The following VAV3 variants were observed in gnomAD, a reference collection of about 807,000 sequenced individuals.
VAV3 encodes guanine nucleotide exchange factor VAV3.
A neutral mutation model predicts 131.2 loss-of-function variants in VAV3; 94 were observed. That is an observed-to-expected ratio of 0.72 (90% confidence interval 0.61 to 0.85). The LOEUF (loss-of-function observed/expected upper bound fraction) is 0.85, where lower values mean the gene tolerates loss of function less well. Among genes scored for constraint, VAV3 ranks in the 40% least tolerant of loss-of-function variants. VAV3 has a pLI of 0.00. For synonymous variants in VAV3, 349 were observed against 342.0 expected (o/e 1.02, Z -0.22); for missense variants, 939 against 1,002.7 (o/e 0.94, Z 0.86).
intron 25 of VAV3, among the ~76,000 whole-genome samples, chr1:107,582,747 A>C (rs1023919940): frequency 5.9e-5 from 9 of 151,984 alleles, no homozygotes; most frequent in African/African-American, 9.7e-5. Flanking sequence ...TGAACTCATC[A>C]TTTTTTATGG....
intron 1 of VAV3, among the ~76,000 whole-genome samples, chr1:107,930,763 C>T (rs945484676): frequency 2.0e-5 from 3 of 152,086 alleles, no homozygotes; most frequent in African/African-American, 7.2e-5. Flanking sequence ...CTAAACCCAC[C>T]GATCAATCTT....
At chr1:107,585,335 G>T (rs926329268) in intron 25 of VAV3, among the ~76,000 whole-genome samples, 1 of 152,018 alleles carries the variant, frequency 6.6e-6, no homozygotes, top group African/African-American at 2.4e-5. Context: ...GTCTTCCTGT[G>T]CCTACTCTGT....
At chr1:107,836,993 A>G (rs137861624) in intron 2 of VAV3, among the ~76,000 whole-genome samples, 5 of 152,072 alleles carry the variant, frequency 3.3e-5, no homozygotes, top group African/African-American at 9.7e-5. Flanking sequence ...AACTGGTACC[A>G]GTCCTGCTGA....
chr1:107,828,276 A>G (rs1668099087), intron 2 of VAV3, among the ~76,000 whole-genome samples: 2 of 152,306 alleles, frequency 1.3e-5, no homozygotes, highest in South Asian at 2.1e-4. Context: ...TACAAGATTC[A>G]GTGATATAAA....
chr1:107,676,043 C>T (rs1218463091), intron 19 of VAV3, among the ~76,000 whole-genome samples: 1 of 152,134 alleles, frequency 6.6e-6, no homozygotes, highest in African/African-American at 2.4e-5. Context: ...GGTGGAAAAC[C>T]TAGGCACAGT....
chr1:107,774,441 G>A (rs964400190), intron 4 of VAV3, among the ~76,000 whole-genome samples: 4 of 152,154 alleles, frequency 2.6e-5, no homozygotes, highest in African/African-American at 9.7e-5. Flanking sequence ...GTGCACAAAC[G>A]CAAACACACA....
rs1445895132 is a variant in VAV3, at chr1:107,602,450, T to C, written c.2167A>G (p.Thr723Ala). 3 of 1,575,520 alleles carry C rather than the reference T, an allele frequency of 1.9e-6. No individual in the cohort carries two copies. The highest frequency in any genetic ancestry group is 2.6e-6 in the Non-Finnish European group (3 of 1,168,002). ...NNEAKHIKIL[T>A]RDGFFHIAEN... Reference sequence around the variant, plus strand: ...GCAATGTGAAAAAAGCCATCTCTTGTTAAAATCTTGATGTGCTTTGCTTCA... The same window carrying C: ...GCAATGTGAAAAAAGCCATCTCTTGCTAAAATCTTGATGTGCTTTGCTTCA... Residue 723 changes from threonine (T) to alanine (A), a missense_variant, in exon 24 of 27, where the codon ACA becomes GCA. Thr to Ala is a moderately conservative substitution (Grantham distance 58). Coordinates refer to ENST00000370056, the MANE Select transcript of VAV3 (RefSeq NM_006113.5).
At chr1:107,739,262 C>T (rs1662864622) in intron 15 of VAV3, among the ~76,000 whole-genome samples, 1 of 152,206 alleles carries the variant, frequency 6.6e-6, no homozygotes, top group Non-Finnish European at 1.5e-5. Context: ...TTAATATTTA[C>T]TAATCCTTTG....
intron 25 of VAV3, chr1:107,576,599 C>T (rs1274878917): frequency 3.7e-6 from 3 of 814,382 alleles, no homozygotes; most frequent in Non-Finnish European, 5.4e-6. Context: ...ACAAGCCAAA[C>T]TTTTACATTT....
chr1:107,854,583 TCTC>T (rs1669379340), intron 2 of VAV3, among the ~76,000 whole-genome samples: 1 of 152,186 alleles, frequency 6.6e-6, no homozygotes, highest in African/African-American at 2.4e-5. Flanking sequence ...TGCAATCTCA[TCTC>T]CTGCTACTTC....
At chr1:107,933,158 G>A (rs1001958747) in intron 1 of VAV3, among the ~76,000 whole-genome samples, 1 of 152,106 alleles carries the variant, frequency 6.6e-6, no homozygotes. Context: ...ACAGTACAGT[G>A]TAAATATTTT....
At chr1:107,755,336 T>TGAA (rs1261159867) in intron 12 of VAV3, 91 bp downstream of exon 12, 1 of 1,010,300 alleles carries the variant, frequency 9.9e-7, no homozygotes, top group Non-Finnish European at 1.5e-6. Flanking sequence ...AGTAGAAACT[T>TGAA]GAAGGTAAAC....
intron 19 of VAV3, among the ~76,000 whole-genome samples, chr1:107,660,159 T>G (rs538963380): frequency 1.8e-4 from 28 of 152,304 alleles, no homozygotes; most frequent in African/African-American, 6.3e-4. Context: ...TCTCACTTGT[T>G]CCAGTTTCAG....
intron 20 of VAV3, among the ~76,000 whole-genome samples, chr1:107,632,280 T>C (rs748382056): frequency 1.3e-5 from 2 of 152,202 alleles, no homozygotes; most frequent in Non-Finnish European, 2.9e-5. Context: ...ACCAAGGCCA[T>C]CTGTGTCTTA....
chr1:107,718,792 C>G (rs961114461), intron 15 of VAV3, among the ~76,000 whole-genome samples: 2 of 152,154 alleles, frequency 1.3e-5, no homozygotes, highest in Non-Finnish European at 2.9e-5. Flanking sequence ...CATCACGCTA[C>G]CTGACTTCAA....
chr1:107,950,338 T>C (rs1370499759), intron 1 of VAV3, among the ~76,000 whole-genome samples: 1 of 152,110 alleles, frequency 6.6e-6, no homozygotes, highest in Non-Finnish European at 1.5e-5. Flanking sequence ...ACAATAATAA[T>C]AGTCACCATT....
chr1:107,797,234 T>G (rs1006775995), intron 2 of VAV3, among the ~76,000 whole-genome samples: 3 of 152,224 alleles, frequency 2.0e-5, no homozygotes, highest in Non-Finnish European at 2.9e-5. Context: ...GTCAGTATAA[T>G]TCAAACTCAA....
chr1:107,772,845 T>A lies in VAV3; in HGVS notation c.447-2A>T, dbSNP rs763585063. The A allele has an allele frequency of 6.2e-7, 1 of 1,611,348 alleles. No individual in the cohort carries two copies. The highest frequency in any genetic ancestry group is 8.5e-7 in the Non-Finnish European group (1 of 1,178,142). On this transcript the variant is annotated splice_acceptor_variant, in intron 4 of 26. Transcript: ENST00000370056. LOFTEE classifies it high-confidence loss of function. ...TCTTCATCTTCCACAAGGGTTTCAC[T>A]ACAACAAAGGATATCATATAAGGTC...
At chr1:107,884,991 G>C (rs1328325874) in intron 1 of VAV3, among the ~76,000 whole-genome samples, 2 of 152,172 alleles carry the variant, frequency 1.3e-5, no homozygotes, top group Non-Finnish European at 2.9e-5. Flanking sequence ...AATAGAAGTA[G>C]TGGTAATAAT....
Sources: gnomAD v4.1 joint callset for allele counts (sites outside exome capture counted in the v4.1 genomes callset) on GRCh38, gnomAD v4.1.1 for gene constraint, MANE v1.5 for transcripts, NCBI Gene and HGNC (gene_info 2026-07-23, HGNC 2026-07-21) for gene names.